ALK: variants seen among roughly 807,000 people sequenced by gnomAD.
ALK encodes the protein ALK tyrosine kinase receptor.
A neutral mutation model predicts 163.1 loss-of-function variants in ALK; 74 were observed. The observed-to-expected ratio is 0.45, with a 90% CI of 0.38 to 0.55. The LOEUF is 0.55. ALK is among the 20% of genes least tolerant of loss of function. The pLI is 0.00. For synonymous variants in ALK, 960 were observed against 843.2 expected (o/e 1.14, Z -2.40); for missense variants, 2,063 against 2,105.3 (o/e 0.98, Z 0.39).
At chr2:29,239,657 A>C in intron 13 of ALK, 23 bp downstream of exon 13, 1 of 1,613,132 alleles carries the variant, frequency 6.2e-7, no homozygotes, top group Non-Finnish European at 8.5e-7. Context: ...TGCAGACGAG[A>C]AACCCCTGCT....
intron 4 of ALK, among the ~76,000 whole-genome samples, chr2:29,516,752 A>G (rs1672677306): frequency 6.6e-6 from 1 of 152,248 alleles, no homozygotes; most frequent in South Asian, 2.1e-4. Flanking sequence ...TGAAAATTAA[A>G]TGGGTAAAGA....
chr2:29,497,684 C>G (rs1401397218), intron 4 of ALK, among the ~76,000 whole-genome samples: 4 of 152,222 alleles, frequency 2.6e-5, no homozygotes, highest in South Asian at 2.1e-4. Flanking sequence ...CCCTTGAAGA[C>G]AGAATCTTTT....
chr2:29,837,440 A>G (rs552693957), intron 1 of ALK, among the ~76,000 whole-genome samples: 1 of 152,342 alleles, frequency 6.6e-6, no homozygotes, highest in East Asian at 1.9e-4. Context: ...GCACATGTGC[A>G]GTATAAGACT....
intron 3 of ALK, among the ~76,000 whole-genome samples, chr2:29,591,028 G>A (rs978517082): frequency 5.4e-5 from 7 of 128,488 alleles, no homozygotes; most frequent in South Asian, 2.5e-4. Flanking sequence ...CCGAGATCGC[G>A]CCACCGCACT....
chr2:29,764,609 T>C (rs1035519081), intron 1 of ALK, among the ~76,000 whole-genome samples: 30 of 152,352 alleles, frequency 2.0e-4, no homozygotes, highest in Non-Finnish European at 3.4e-4. Flanking sequence ...TGCCTGCTTA[T>C]GTTGTTCTGT....
chr2:29,285,457 G>T (rs1167762257), intron 9 of ALK, among the ~76,000 whole-genome samples: 1 of 152,078 alleles, frequency 6.6e-6, no homozygotes, highest in East Asian at 1.9e-4. Context: ...CACTATGTTG[G>T]CCAGGAGCCA....
chr2:29,638,062 A>G (rs1179681907), intron 3 of ALK, among the ~76,000 whole-genome samples: 1 of 152,154 alleles, frequency 6.6e-6, no homozygotes, highest in African/African-American at 2.4e-5. Flanking sequence ...GGGCTGTGGA[A>G]TATGTTCTTC....
chr2:29,648,194 C>T (rs1032753148), intron 3 of ALK, among the ~76,000 whole-genome samples: 2 of 152,102 alleles, frequency 1.3e-5, no homozygotes, highest in Non-Finnish European at 2.9e-5. Context: ...TAGGTTTAAA[C>T]ATTTTTTAAT....
chr2:29,365,816 T>C lies in ALK; in HGVS notation c.1282+17916A>G, dbSNP rs187693548. Among the ~76,000 whole-genome samples, 43 of 152,310 alleles carry C rather than the reference T, an allele frequency of 2.8e-4. 1 individual carries two copies. The highest frequency in any genetic ancestry group is 2.9e-5 in the Non-Finnish European group (2 of 68,026). Reference sequence around the variant, plus strand: ...CTTTATAAAAGGGCACTGATACCTCTCTCTGGTGATTATTTTAGCTAGAGA... The same window carrying C: ...CTTTATAAAAGGGCACTGATACCTCCCTCTGGTGATTATTTTAGCTAGAGA... On this transcript the variant is annotated intron_variant, in intron 5 of 28. Coordinates refer to ENST00000389048, the MANE Select transcript of ALK (RefSeq NM_004304.5).
chr2:29,585,432 T>C (rs1305553292), intron 3 of ALK, among the ~76,000 whole-genome samples: 1 of 152,146 alleles, frequency 6.6e-6, no homozygotes, highest in East Asian at 1.9e-4. Flanking sequence ...GTTCAAGTGA[T>C]TCTCATGCCT....
At chr2:29,395,229 C>A (rs555125662) in intron 4 of ALK, among the ~76,000 whole-genome samples, 1 of 152,292 alleles carries the variant, frequency 6.6e-6, no homozygotes, top group African/African-American at 2.4e-5. Context: ...CCAAAGGCTC[C>A]ATTTCAGCCA....
rs1667552790 is a variant in ALK, at chr2:29,906,524, G to T, written c.667+13469C>A. The stretch of plus-strand genomic sequence containing the variant: ...GATAACTGACTTCAAATGTTTGAAG[G>T]ACCCTCATGTTGGGGAGAAGTTAAT... On this transcript the variant is annotated intron_variant, in intron 1 of 28. Coordinates refer to ENST00000389048, the MANE Select transcript of ALK (RefSeq NM_004304.5). Among the ~76,000 whole-genome samples the T allele has an allele frequency of 2.6e-5, 4 of 152,142 alleles. No individual in the cohort carries two copies. In the South Asian group the frequency reaches 8.3e-4, roughly 31 times the overall value.
chr2:29,508,796 T>C (rs926032056), intron 4 of ALK, among the ~76,000 whole-genome samples: 1 of 126,516 alleles, frequency 7.9e-6, no homozygotes, highest in Admixed American at 8.2e-5. Flanking sequence ...ACCTATTGAA[T>C]CAGAACATGC....
At chr2:29,350,946 G>A (rs969862447) in intron 5 of ALK, among the ~76,000 whole-genome samples, 1 of 152,184 alleles carries the variant, frequency 6.6e-6, no homozygotes, top group Non-Finnish European at 1.5e-5. Context: ...GGTGCTTCAT[G>A]AAAAGATTAT....
At chr2:29,275,615 G>A (rs1001991196) in intron 9 of ALK, 119 bp from the exon 10 acceptor site, 2 of 984,948 alleles carry the variant, frequency 2.0e-6, no homozygotes, top group African/African-American at 3.2e-5. Flanking sequence ...AAAAAGGCTC[G>A]CTAATCCCAG....
chr2:29,722,337 G>T (rs557307276), intron 1 of ALK, among the ~76,000 whole-genome samples: 2 of 152,278 alleles, frequency 1.3e-5, no homozygotes, highest in South Asian at 4.2e-4. Flanking sequence ...ACTCTTTGCT[G>T]ACCAATGAAG....
intron 4 of ALK, among the ~76,000 whole-genome samples, chr2:29,471,759 C>T (rs570269998): frequency 6.8e-6 from 1 of 147,128 alleles, no homozygotes; most frequent in African/African-American, 2.5e-5. Flanking sequence ...TTTTTTGAGA[C>T]AGAGTTTCAT....
chr2:29,884,738 G>A lies in ALK; in HGVS notation c.667+35255C>T, dbSNP rs571165807. The stretch of plus-strand genomic sequence containing the variant: ...TTGATAATTTTAAGAAAAAGTTTGG[G>A]TTATAAAAATGTCAAGATAACAGGG... On this transcript the variant is annotated intron_variant, in intron 1 of 28. Transcript: ENST00000389048. 4.6e-5 allele frequency among the ~76,000 whole-genome samples: 7 copies of A among 152,254 alleles called. No individual in the cohort carries two copies. In the South Asian group the frequency reaches 1.2e-3, roughly 27 times the overall value.
At chr2:29,567,876 A>G (rs769250057) in intron 3 of ALK, among the ~76,000 whole-genome samples, 12 of 152,220 alleles carry the variant, frequency 7.9e-5, no homozygotes, top group Non-Finnish European at 1.8e-4. Flanking sequence ...TCAGCCTATT[A>G]GCGTTAAATA....
Sources: allele counts gnomAD v4.1 joint callset (sites outside exome capture counted in the v4.1 genomes callset), GRCh38; gene constraint gnomAD v4.1.1; transcripts MANE v1.5; gene names NCBI Gene and HGNC (gene_info 2026-07-23, HGNC 2026-07-21).